The following SETBP1 variants were observed in gnomAD, a reference collection of about 807,000 sequenced individuals.
The protein encoded by SETBP1 is SET-binding protein.
Under a neutral mutation model 101.0 loss-of-function variants are expected in SETBP1, and 9 were observed. That is an observed-to-expected ratio of 0.09 (90% confidence interval 0.05 to 0.16). SETBP1 has a LOEUF of 0.16. Ranked by LOEUF, SETBP1 falls within the 10% of genes least tolerant of loss-of-function variation. SETBP1 has a pLI of 1.00. For synonymous variants in SETBP1, 818 were observed against 788.5 expected, an observed-to-expected ratio of 1.04 and a Z score of -0.63; for missense variants, 1,858 against 2,033.8, an observed-to-expected ratio of 0.91 and a Z score of 1.66.
At position 44,950,990 on chromosome 18, in the gene SETBP1, C is replaced by T; in HGVS notation, c.1650C>T (p.Thr550=). 6.2e-7 allele frequency: 1 copy of T among 1,614,046 alleles called. No homozygotes were observed. Among genetic ancestry groups the T allele is most frequent in the Non-Finnish European group, 8.5e-7 (1 of 1,180,034 alleles). ...STMLREAVMA[T]SDKLMLEPPS... Reference sequence around the variant, plus strand: ...TGCTTCGAGAGGCAGTTATGGCCACCTCTGATAAACTGATGCTGGAGCCCC... The same window carrying T: ...TGCTTCGAGAGGCAGTTATGGCCACTTCTGATAAACTGATGCTGGAGCCCC... The change falls in exon 4 of 6, where the codon ACC becomes ACT. Residue 550 remains threonine (T), a synonymous_variant. Coordinates refer to ENST00000649279, the MANE Select transcript of SETBP1 (RefSeq NM_015559.3).
chr18:44,816,840 C>T (rs1046789012), intron 2 of SETBP1, among the ~76,000 whole-genome samples: 1 of 152,200 alleles, frequency 6.6e-6, no homozygotes, highest in Non-Finnish European at 1.5e-5. Flanking sequence ...ACCTCCCTTC[C>T]TTCCCCGTGG....
chr18:44,961,524 A>G (rs2071610941), intron 4 of SETBP1, among the ~76,000 whole-genome samples: 1 of 152,170 alleles, frequency 6.6e-6, no homozygotes, highest in Non-Finnish European at 1.5e-5. Context: ...TAAGAAGACT[A>G]CGTTTGTGAA....
rs1749491576 is a variant in SETBP1 at position 44,952,173 on chromosome 18, C to T, written c.2833C>T (p.Leu945=). ...AAAGCACAAGAGGAAACGGAAAAGC[C>T]TGCAAAACCGCGATGACCTCCAGTT... ...KPKHKRKRKS[L]QNRDDLQFLA... Residue 945 remains leucine (L), a synonymous_variant, in exon 4 of 6, where the codon CTG becomes TTG. Coordinates refer to ENST00000649279, the MANE Select transcript of SETBP1 (RefSeq NM_015559.3). 1 of 1,614,042 alleles carries T rather than the reference C, an allele frequency of 6.2e-7. No individual in the cohort carries two copies. Among genetic ancestry groups the T allele is most frequent in the African/African-American group, 1.3e-5 (1 of 74,916 alleles).
chr18:44,780,888 A>G (rs2071115837), intron 2 of SETBP1, among the ~76,000 whole-genome samples: 1 of 152,212 alleles, frequency 6.6e-6, no homozygotes, highest in Admixed American at 6.5e-5. Flanking sequence ...AAGAATGATG[A>G]CGAGTCAGCT....
At position 44,924,965 on chromosome 18, in the gene SETBP1, C is replaced by T. The variant is rs1398884437; in HGVS notation, c.541-24916C>T. Among the ~76,000 whole-genome samples, 18 of 149,616 alleles carry T rather than the reference C, an allele frequency of 1.2e-4. 1 individual carries two copies. The highest frequency in any genetic ancestry group is 1.2e-3 in the Admixed American group (18 of 15,020). ...GTGTCCAGCTTAGGCAGCCTCTCTC[C>T]ATGTTCCAACCATGCTCTTTTTCCT... On this transcript the variant is annotated intron_variant, in intron 3 of 5. Coordinates refer to ENST00000649279, the MANE Select transcript of SETBP1 (RefSeq NM_015559.3).
intron 3 of SETBP1, chr18:44,870,577 T>C (rs1309559807): frequency 6.6e-6 from 1 of 152,162 alleles, no homozygotes; most frequent in South Asian, 2.1e-4. Context: ...AATTACTTTT[T>C]CACATATTTA....
At chr18:44,781,526 C>G (rs1275157892) in intron 2 of SETBP1, among the ~76,000 whole-genome samples, 2 of 145,646 alleles carry the variant, frequency 1.4e-5, no homozygotes, top group Non-Finnish European at 3.0e-5. Flanking sequence ...CTCTGTCTCT[C>G]TCTATATCTC....
chr18:45,065,171 T>A lies in SETBP1; in HGVS notation c.*1473T>A, dbSNP rs965479785. On this transcript the variant is annotated 3_prime_UTR_variant, in exon 6 of 6. Transcript: ENST00000649279. Reference sequence around the variant, plus strand: ...ACAGATACTCCATCTCTATTATCCATTTCCACAGCCCAAATAAAATATGTT... The same window carrying A: ...ACAGATACTCCATCTCTATTATCCAATTCCACAGCCCAAATAAAATATGTT... 1 of 152,232 alleles carries A rather than the reference T, an allele frequency of 6.6e-6. No individual in the cohort carries two copies. Among genetic ancestry groups the A allele is most frequent in the African/African-American group, 2.4e-5 (1 of 41,458 alleles). 9.4% of individuals were successfully genotyped at this position (152,232 alleles called of 1,614,324 possible). A position where few individuals can be genotyped will look rare whatever the true frequency, so the allele number is the denominator to read the frequency against.
intron 2 of SETBP1, among the ~76,000 whole-genome samples, chr18:44,703,775 A>C (rs979671020): frequency 1.5e-4 from 23 of 152,290 alleles, no homozygotes; most frequent in Middle Eastern, 3.4e-3. Context: ...CTGTCGTGAA[A>C]CCAAAGGTTT....
At chr18:44,746,683 TAAC>T (rs975234451) in intron 2 of SETBP1, among the ~76,000 whole-genome samples, 3 of 152,218 alleles carry the variant, frequency 2.0e-5, no homozygotes, top group African/African-American at 7.2e-5. Flanking sequence ...TTCTGACTCT[TAAC>T]AATCAGGAAC....
In SETBP1 at chr18:44,869,524, T is replaced by G. The variant is rs1337527866; in HGVS notation, c.540+241T>G. The G allele has an allele frequency of 2.1e-5, 11 of 522,410 alleles. No homozygotes were observed. In the African/African-American group the frequency reaches 2.1e-4, roughly 10 times the overall value. 32.4% of individuals were successfully genotyped at this position (522,410 alleles called of 1,614,324 possible). Reference sequence around the variant, plus strand: ...TAATATTCTATAGGAGAAAAATATATAGAGATCAAGATGCTCGGAATGTTA... The same window carrying G: ...TAATATTCTATAGGAGAAAAATATAGAGAGATCAAGATGCTCGGAATGTTA... On this transcript the variant is annotated intron_variant, in intron 3 of 5. Transcript: ENST00000649279.
intron 3 of SETBP1, among the ~76,000 whole-genome samples, 160 bp from the exon 4 acceptor site, chr18:44,949,721 T>C (rs1238767055): frequency 6.6e-6 from 1 of 152,266 alleles, no homozygotes; most frequent in Non-Finnish European, 1.5e-5. Flanking sequence ...AGAAAACCTC[T>C]GTAAGACATT....
chr18:45,017,887 G>C (rs1406692424), intron 4 of SETBP1, among the ~76,000 whole-genome samples: 3 of 152,214 alleles, frequency 2.0e-5, no homozygotes, highest in African/African-American at 7.2e-5. Context: ...AAACTGCAAA[G>C]TTAGGAACCT....
At chr18:44,857,377 A>G (rs988205323) in intron 2 of SETBP1, among the ~76,000 whole-genome samples, 1 of 152,196 alleles carries the variant, frequency 6.6e-6, no homozygotes, top group African/African-American at 2.4e-5. Context: ...AGAGCCATCC[A>G]TAGCCTATCC....
intron 2 of SETBP1, among the ~76,000 whole-genome samples, chr18:44,819,175 T>G (rs2144368358): frequency 6.6e-6 from 1 of 152,252 alleles, no homozygotes; most frequent in Non-Finnish European, 1.5e-5. Flanking sequence ...TGTCACGCTG[T>G]TTTTCAAAAG....
intron 4 of SETBP1, among the ~76,000 whole-genome samples, chr18:44,993,477 T>C (rs1463053612): frequency 6.6e-6 from 1 of 152,032 alleles, no homozygotes; most frequent in Admixed American, 6.5e-5. Flanking sequence ...CAGAAAATCC[T>C]TTTGATATAT....
At position 44,965,337 on chromosome 18, in the gene SETBP1, A is replaced by T. The variant is rs564444622; in HGVS notation, c.4000+11997A>T. Among the ~76,000 whole-genome samples, 385 of 150,356 alleles carry T rather than the reference A, an allele frequency of 2.6e-3. 1 individual carries two copies. The highest frequency in any genetic ancestry group is 0.017 in the Middle Eastern group (5 of 290). ...CAGATCACTCAGAACAAATCAAGTT[A>T]TGGATACTCTCATTGGTCAGTGTTG... On this transcript the variant is annotated intron_variant, in intron 4 of 5. Transcript: ENST00000649279.
At chr18:44,923,799 C>T (rs1268604933) in intron 3 of SETBP1, among the ~76,000 whole-genome samples, 2 of 152,168 alleles carry the variant, frequency 1.3e-5, no homozygotes, top group Non-Finnish European at 2.9e-5. Context: ...ATGAGCTATG[C>T]AGTACATTGA....
At chr18:44,970,119 C>T (rs745840211) in intron 4 of SETBP1, 8 of 154,798 alleles carry the variant, frequency 5.2e-5, no homozygotes, top group Non-Finnish European at 1.0e-4. Context: ...ACTCATATAA[C>T]GTCCTCAGGG....
Sources: gnomAD v4.1 joint callset for allele counts (sites outside exome capture counted in the v4.1 genomes callset) on GRCh38, gnomAD v4.1.1 for gene constraint, MANE v1.5 for transcripts, NCBI Gene and HGNC (gene_info 2026-07-23, HGNC 2026-07-21) for gene names.